Variants in MKX observed in about 807,000 individuals in gnomAD.
The protein encoded by MKX is mohawk homeobox, also known as homeobox protein Mohawk.
MKX carries 13 observed loss-of-function variants against 36.0 expected under a neutral mutation model. The ratio of observed to expected loss-of-function variants is 0.36; its 90% CI spans 0.24 to 0.57. The LOEUF (loss-of-function observed/expected upper bound fraction) is 0.57. Among genes scored for constraint, MKX ranks in the 20% least tolerant of loss-of-function variants. The probability of loss-of-function intolerance (pLI) is 0.79; values close to 1 mark genes in which losing one functional copy is unlikely to be tolerated. For synonymous variants in MKX, 176 were observed against 178.3 expected (o/e 0.99, Z 0.10); for missense variants, 458 against 456.4 (o/e 1.00, Z -0.03).
At chr10:27,739,867 C>A (rs576238123) in intron 3 of MKX, among the ~76,000 whole-genome samples, 1 of 152,190 alleles carries the variant, frequency 6.6e-6, no homozygotes, top group Non-Finnish European at 1.5e-5. Context: ...CTTATTTAAA[C>A]TGAAATTTTA....
intron 5 of MKX, among the ~76,000 whole-genome samples, chr10:27,712,708 G>A (rs1348846921): frequency 6.6e-6 from 1 of 152,106 alleles, no homozygotes; most frequent in Non-Finnish European, 1.5e-5. Flanking sequence ...CAACACTTTG[G>A]GATGCAGAGG....
chr10:27,690,095 G>A (rs1338995218), intron 5 of MKX, among the ~76,000 whole-genome samples: 11 of 152,174 alleles, frequency 7.2e-5, no homozygotes, highest in Admixed American at 2.0e-4. Context: ...CAAGTCAGCC[G>A]GGTGTGGCGG....
At chr10:27,682,957 C>G (rs996231717) in intron 5 of MKX, among the ~76,000 whole-genome samples, 1 of 150,880 alleles carries the variant, frequency 6.6e-6, no homozygotes, top group African/African-American at 2.4e-5. Context: ...GCACTCCAGC[C>G]TGGGCAACAG....
intron 5 of MKX, among the ~76,000 whole-genome samples, chr10:27,701,284 A>AGCGGTGCACATCACGGCAC (rs60145139): frequency 0.72 from 104,484 of 145,156 alleles, 36,981 homozygotes; most frequent in Admixed American, 0.78. Context: ...AAAGAACTGA[A>AGCGGTGCACATCACGGCAC]GCGGTGCACA....
rs545313036 is a variant in MKX at position 27,693,286 on chromosome 10, C to T, written c.839-17732G>A. ...CCCAATGGCCAAAAATTAAACATAG[C>T]AGGTCTAAAACAATAAGGATCTATA... is the stretch of plus-strand genomic sequence containing the variant. On this transcript the variant is annotated intron_variant, in intron 5 of 6. Coordinates refer to ENST00000419761, the MANE Select transcript of MKX (RefSeq NM_173576.3). Among the ~76,000 whole-genome samples the T allele has an allele frequency of 2.0e-5, 3 of 152,226 alleles. No individual in the cohort carries two copies. The South Asian group carries it at 6.2e-4, about 32-fold the overall frequency.
In MKX at chr10:27,741,304, T is replaced by A. The variant is rs1434040266; in HGVS notation, c.348+41A>T. On this transcript the variant is annotated intron_variant, in intron 3 of 6. Coordinates refer to ENST00000419761, the MANE Select transcript of MKX (RefSeq NM_173576.3). This position sits in a 1 kb window ranked among gnomAD's most constrained non-coding sequence, Gnocchi z 5.1. ...CTAAGCGTTCCCGCTCTTCAGCCCC[T>A]CGCGGGAAAACGGATCAGGGTGTTA... The A allele has an allele frequency of 6.2e-7, 1 of 1,606,250 alleles. No individual in the cohort carries two copies. Among genetic ancestry groups the A allele is most frequent in the Admixed American group, 1.7e-5 (1 of 58,016 alleles).
chr10:27,676,495 A>G (rs901603674), intron 5 of MKX, among the ~76,000 whole-genome samples: 5 of 149,786 alleles, frequency 3.3e-5, no homozygotes, highest in Non-Finnish European at 7.4e-5. Flanking sequence ...CTTCTGCCTC[A>G]GGCTCCTAAG....
intron 5 of MKX, among the ~76,000 whole-genome samples, chr10:27,702,922 A>G (rs1247222106): frequency 5.9e-5 from 9 of 152,208 alleles, no homozygotes; most frequent in Non-Finnish European, 1.2e-4. Context: ...TCAGTCAGGA[A>G]GTTCTGAGGT....
At chr10:27,708,374 T>C (rs1836793268) in intron 5 of MKX, among the ~76,000 whole-genome samples, 1 of 152,208 alleles carries the variant, frequency 6.6e-6, no homozygotes, top group Non-Finnish European at 1.5e-5. Flanking sequence ...TGGTTTATTG[T>C]GCACCATTAA....
intron 3 of MKX, among the ~76,000 whole-genome samples, chr10:27,738,654 A>G (rs1024450124): frequency 4.6e-5 from 7 of 152,082 alleles, no homozygotes; most frequent in African/African-American, 1.4e-4. Flanking sequence ...TTTTATAGTG[A>G]AAGATTAGAA....
chr10:27,690,323 T>C (rs12773485), intron 5 of MKX, among the ~76,000 whole-genome samples: 7,257 of 152,200 alleles, frequency 0.048, 240 homozygotes, highest in Non-Finnish European at 0.069. Context: ...TGAGCCGAGA[T>C]GGCACCACTG....
intron 5 of MKX, among the ~76,000 whole-genome samples, chr10:27,720,261 C>T (rs922634883): frequency 6.6e-6 from 1 of 151,638 alleles, no homozygotes; most frequent in Admixed American, 6.6e-5. Context: ...AAAATACATT[C>T]CAGCTCATTC....
intron 5 of MKX, among the ~76,000 whole-genome samples, chr10:27,726,354 CT>C (rs1445320646): frequency 6.6e-6 from 1 of 152,112 alleles, no homozygotes; most frequent in African/African-American, 2.4e-5. Context: ...ACTTAGGGTT[CT>C]TGTCAACCCT....
In MKX at chr10:27,741,549, G is replaced by T; in HGVS notation, c.189-45C>A. 6.6e-7 allele frequency: 1 copy of T among 1,525,820 alleles called. No homozygotes were observed. 94.5% of individuals were successfully genotyped at this position (1,525,820 alleles called of 1,614,324 possible). A position where few individuals can be genotyped will look rare whatever the true frequency, so the allele number is the denominator to read the frequency against. On this transcript the variant is annotated intron_variant, in intron 2 of 6. Coordinates refer to ENST00000419761, the MANE Select transcript of MKX (RefSeq NM_173576.3). This position sits in a 1 kb window ranked among gnomAD's most constrained non-coding sequence, Gnocchi z 5.1. Reference sequence around the variant, plus strand: ...GGCGGCCCTGGTGAGCGACGCGTTTGCCCGCCCGGACGCTCCACGCCCCGG... The same window carrying T: ...GGCGGCCCTGGTGAGCGACGCGTTTTCCCGCCCGGACGCTCCACGCCCCGG...
At chr10:27,733,327 A>G (rs1156772779) in intron 5 of MKX, among the ~76,000 whole-genome samples, 1 of 152,210 alleles carries the variant, frequency 6.6e-6, no homozygotes, top group African/African-American at 2.4e-5. Flanking sequence ...GAGCAACTTT[A>G]GATTTCTTAA....
intron 5 of MKX, among the ~76,000 whole-genome samples, chr10:27,676,154 T>C (rs1388053248): frequency 6.6e-6 from 1 of 152,002 alleles, no homozygotes; most frequent in Non-Finnish European, 1.5e-5. Context: ...TTCACCTATA[T>C]TCCCAGTTAC....
intron 5 of MKX, among the ~76,000 whole-genome samples, chr10:27,730,454 A>C (rs1834598893): frequency 6.9e-6 from 1 of 143,890 alleles, no homozygotes; most frequent in Admixed American, 6.8e-5. Context: ...CCAACTTTCA[A>C]CTGGCTTTTT....
At chr10:27,728,338 T>TTTAAA (rs1196782540) in intron 5 of MKX, among the ~76,000 whole-genome samples, 2 of 152,236 alleles carry the variant, frequency 1.3e-5, no homozygotes. Flanking sequence ...GTAAGACTTT[T>TTTAAA]TTAAGCTACC....
At chr10:27,702,846 T>G (rs1836682171) in intron 5 of MKX, among the ~76,000 whole-genome samples, 1 of 152,210 alleles carries the variant, frequency 6.6e-6, no homozygotes. Flanking sequence ...CTATATTTTC[T>G]GGTTTCATTT....
Sources: gnomAD v4.1 joint callset for allele counts (sites outside exome capture counted in the v4.1 genomes callset) on GRCh38, gnomAD v4.1.1 for gene constraint, Gnocchi (gnomAD v3.1) non-coding constraint, MANE v1.5 for transcripts, NCBI Gene and HGNC (gene_info 2026-07-23, HGNC 2026-07-21) for gene names.